The following RIT2 variants were observed in gnomAD, a reference collection of about 807,000 sequenced individuals.
RIT2 encodes the protein GTP-binding protein Rit2.
A neutral mutation model predicts 23.7 loss-of-function variants in RIT2; 24 were observed. The ratio of observed to expected loss-of-function variants is 1.01; its 90% CI spans 0.73 to 1.43. The LOEUF is 1.43. Among genes scored for constraint, RIT2 ranks in the 40% most tolerant of loss-of-function variants. The pLI is 0.00. For missense variants in RIT2, 236 were observed against 266.9 expected, an observed-to-expected ratio of 0.88 and a Z score of 0.81; for synonymous variants, 107 against 91.1, an observed-to-expected ratio of 1.17 and a Z score of -0.99.
At chr18:42,914,900 A>G (rs532520472) in intron 4 of RIT2, among the ~76,000 whole-genome samples, 82 of 152,082 alleles carry the variant, frequency 5.4e-4, no homozygotes, top group Admixed American at 1.8e-3. Context: ...CAGGGTTTTT[A>G]TACACATTTG....
chr18:42,995,624 C>T (rs921027858), intron 2 of RIT2, among the ~76,000 whole-genome samples: 2 of 152,124 alleles, frequency 1.3e-5, no homozygotes, highest in East Asian at 1.9e-4. Flanking sequence ...GTACAACGGA[C>T]TAATGGTCTT....
At chr18:42,905,736 G>A (rs9958449) in intron 4 of RIT2, among the ~76,000 whole-genome samples, 1 of 151,686 alleles carries the variant, frequency 6.6e-6, no homozygotes, top group African/African-American at 2.4e-5. Context: ...GCCTCCCAAA[G>A]TGCTGGGATT....
At position 43,015,905 on chromosome 18, in the gene RIT2, C is replaced by A. The variant is rs555633551; in HGVS notation, c.160+17906G>T. Among the ~76,000 whole-genome samples, 18 of 151,886 alleles carry A rather than the reference C, an allele frequency of 1.2e-4. 1 individual carries two copies. The South Asian group carries it at 3.5e-3, about 30-fold the overall frequency. On this transcript the variant is annotated intron_variant, in intron 2 of 4. Coordinates refer to ENST00000326695, the MANE Select transcript of RIT2 (RefSeq NM_002930.4). ...GGAAGCTTAAAGTAAAAACACCACT[C>A]ACGTGCTGATACTTGTAACCCCTGT...
intron 4 of RIT2, among the ~76,000 whole-genome samples, chr18:42,784,590 A>G (rs1322248614): frequency 6.6e-6 from 1 of 152,140 alleles, no homozygotes; most frequent in Non-Finnish European, 1.5e-5. Flanking sequence ...AATTACTATT[A>G]GTCCACCAAA....
intron 4 of RIT2, among the ~76,000 whole-genome samples, chr18:42,885,080 G>A (rs913621136): frequency 6.6e-6 from 1 of 152,124 alleles, no homozygotes; most frequent in Non-Finnish European, 1.5e-5. Flanking sequence ...TGCTTCTGTT[G>A]TGAATTCATC....
intron 4 of RIT2, among the ~76,000 whole-genome samples, chr18:42,753,088 T>G (rs1383188697): frequency 1.3e-5 from 2 of 152,120 alleles, no homozygotes; most frequent in African/African-American, 2.4e-5. Flanking sequence ...CAGCCACAGC[T>G]GCATGGGGGG....
chr18:42,800,935 C>T (rs1314226307), intron 4 of RIT2, among the ~76,000 whole-genome samples: 2 of 152,108 alleles, frequency 1.3e-5, no homozygotes, highest in Non-Finnish European at 1.5e-5. Context: ...CTACTTCATT[C>T]TGTTAATTTT....
chr18:42,890,612 T>C (rs913595789), intron 4 of RIT2, among the ~76,000 whole-genome samples: 4 of 149,528 alleles, frequency 2.7e-5, no homozygotes. Context: ...AAGAAGGGAG[T>C]GATGAAAGCA....
intron 4 of RIT2, among the ~76,000 whole-genome samples, chr18:42,857,923 G>A (rs1298828316): frequency 6.6e-6 from 1 of 152,166 alleles, no homozygotes; most frequent in Non-Finnish European, 1.5e-5. Flanking sequence ...GCTCATGCCT[G>A]TAATCCCAGC....
chr18:42,922,531 T>C (rs1228690320), intron 4 of RIT2, among the ~76,000 whole-genome samples: 1 of 152,164 alleles, frequency 6.6e-6, no homozygotes, highest in Non-Finnish European at 1.5e-5. Flanking sequence ...TTCTCAGTAA[T>C]GTTACTTTGT....
At chr18:42,747,066 A>G (rs1567986246) in intron 4 of RIT2, among the ~76,000 whole-genome samples, 1 of 152,086 alleles carries the variant, frequency 6.6e-6, no homozygotes, top group Non-Finnish European at 1.5e-5. Context: ...ATCAGACAAG[A>G]GAAAGAAATA....
chr18:42,883,432 T>C (rs1383810237), intron 4 of RIT2, among the ~76,000 whole-genome samples: 1 of 152,234 alleles, frequency 6.6e-6, no homozygotes, highest in African/African-American at 2.4e-5. Context: ...AATTCATGTG[T>C]AAATCTTCTG....
intron 4 of RIT2, among the ~76,000 whole-genome samples, chr18:42,914,183 C>T (rs1452112830): frequency 6.6e-6 from 1 of 152,004 alleles, no homozygotes; most frequent in African/African-American, 2.4e-5. Context: ...ATATCTAATG[C>T]TGGCAAGGGT....
chr18:42,803,708 C>T lies in RIT2; in HGVS notation c.427-59988G>A, dbSNP rs138376441. Among the ~76,000 whole-genome samples, 593 of 152,262 alleles carry T rather than the reference C, an allele frequency of 3.9e-3. 2 individuals are homozygous for T. Among genetic ancestry groups the T allele is most frequent in the Non-Finnish European group, 6.0e-3 (408 of 68,024 alleles). On this transcript the variant is annotated intron_variant, in intron 4 of 4. Coordinates refer to ENST00000326695, the MANE Select transcript of RIT2 (RefSeq NM_002930.4). ...AATTAATACATGCTTTGGTACATTC[C>T]AACCTGATGCTATTTGCTGCCCGTG... is the stretch of plus-strand genomic sequence containing the variant.
chr18:42,985,263 G>T (rs1910684236), intron 2 of RIT2, among the ~76,000 whole-genome samples: 1 of 152,058 alleles, frequency 6.6e-6, no homozygotes, highest in Admixed American at 6.6e-5. Flanking sequence ...ATGTTATGAA[G>T]AAAGTTAAAG....
At chr18:42,747,010 C>T (rs1912932688) in intron 4 of RIT2, among the ~76,000 whole-genome samples, 2 of 151,968 alleles carry the variant, frequency 1.3e-5, no homozygotes, top group Admixed American at 1.3e-4. Context: ...GGATGCCACT[C>T]TTATCCCTCC....
intron 2 of RIT2, among the ~76,000 whole-genome samples, chr18:42,998,172 T>C (rs1911029392): frequency 1.3e-5 from 2 of 152,120 alleles, no homozygotes; most frequent in South Asian, 2.1e-4. Flanking sequence ...TTACTGGGAA[T>C]TCCTTCTTCC....
At chr18:42,810,095 T>A (rs549908033) in intron 4 of RIT2, among the ~76,000 whole-genome samples, 3 of 147,688 alleles carry the variant, frequency 2.0e-5, no homozygotes, top group Non-Finnish European at 4.5e-5. Context: ...TATTAAATTA[T>A]CAAAACTATG....
intron 4 of RIT2, among the ~76,000 whole-genome samples, chr18:42,873,616 A>G (rs1382731115): frequency 6.6e-6 from 1 of 152,056 alleles, no homozygotes; most frequent in African/African-American, 2.4e-5. Context: ...TTCCTTGATG[A>G]GTTTTTAATT....
Sources: gnomAD v4.1 joint callset for allele counts (sites outside exome capture counted in the v4.1 genomes callset) on GRCh38, gnomAD v4.1.1 for gene constraint, MANE v1.5 for transcripts, NCBI Gene and HGNC (gene_info 2026-07-23, HGNC 2026-07-21) for gene names.